Variants in CHST11 observed in about 807,000 individuals in gnomAD.
CHST11 encodes the protein C4S-1.
CHST11 carries 9 observed loss-of-function variants against 30.4 expected under a neutral mutation model. The ratio of observed to expected loss-of-function variants is 0.30; its 90% CI spans 0.18 to 0.52. The LOEUF is 0.52. CHST11 is among the 20% of genes least tolerant of loss of function. CHST11 has a pLI of 0.97. For missense variants in CHST11, 348 were observed against 460.6 expected, an observed-to-expected ratio of 0.76 and a Z score of 2.24; for synonymous variants, 152 against 187.8, an observed-to-expected ratio of 0.81 and a Z score of 1.56.
intron 1 of CHST11, among the ~76,000 whole-genome samples, chr12:104,563,405 C>T (rs1023772786): frequency 2.6e-5 from 4 of 152,172 alleles, no homozygotes; most frequent in African/African-American, 7.2e-5. Flanking sequence ...TCAAAGCAGT[C>T]GTTGTGATCA....
chr12:104,680,727 A>T (rs1019545307), intron 2 of CHST11, among the ~76,000 whole-genome samples: 4 of 152,168 alleles, frequency 2.6e-5, no homozygotes, highest in African/African-American at 4.8e-5. Flanking sequence ...CACGTTTGAA[A>T]TCATCAGGTC....
intron 2 of CHST11, among the ~76,000 whole-genome samples, chr12:104,709,324 C>T (rs144705878): frequency 4.2e-4 from 64 of 152,316 alleles, no homozygotes; most frequent in Non-Finnish European, 7.8e-4. Flanking sequence ...GTAGCAAGTA[C>T]ATGAGGCTCT....
chr12:104,585,836 C>G (rs1467172739), intron 1 of CHST11, among the ~76,000 whole-genome samples: 2 of 152,144 alleles, frequency 1.3e-5, no homozygotes, highest in African/African-American at 4.8e-5. Context: ...CTCTTCCTGG[C>G]TTCTGGTGGC....
At chr12:104,582,239 C>A (rs1302127831) in intron 1 of CHST11, among the ~76,000 whole-genome samples, 1 of 152,074 alleles carries the variant, frequency 6.6e-6, no homozygotes, top group African/African-American at 2.4e-5. Context: ...AACTGAGATG[C>A]AGGGGGTTAA....
chr12:104,706,023 T>C (rs1306475217), intron 2 of CHST11, among the ~76,000 whole-genome samples: 4 of 151,770 alleles, frequency 2.6e-5, no homozygotes, highest in Non-Finnish European at 5.9e-5. Context: ...AAGTTTGAGG[T>C]TGCAGTGAGC....
At chr12:104,492,008 T>G (rs2037752113) in intron 1 of CHST11, among the ~76,000 whole-genome samples, 4 of 152,214 alleles carry the variant, frequency 2.6e-5, no homozygotes, top group African/African-American at 9.6e-5. Context: ...CTGTGTGATT[T>G]CCATCAGTCA....
At chr12:104,727,751 A>G (rs2040226876) in intron 2 of CHST11, among the ~76,000 whole-genome samples, 1 of 152,256 alleles carries the variant, frequency 6.6e-6, no homozygotes, top group African/African-American at 2.4e-5. Context: ...GCAGTGTTCT[A>G]GGTGCTGGAG....
intron 2 of CHST11, among the ~76,000 whole-genome samples, chr12:104,666,498 C>T (rs1406610018): frequency 6.6e-6 from 1 of 152,126 alleles, no homozygotes; most frequent in Non-Finnish European, 1.5e-5. Context: ...TTCCGTTGTT[C>T]TTGGGACTCT....
At chr12:104,527,424 T>G (rs941762404) in intron 1 of CHST11, among the ~76,000 whole-genome samples, 9 of 152,302 alleles carry the variant, frequency 5.9e-5, no homozygotes, top group African/African-American at 2.2e-4. Flanking sequence ...TTTCTGACCT[T>G]GGGCAGAGCT....
At chr12:104,490,882 G>C (rs1173161082) in intron 1 of CHST11, among the ~76,000 whole-genome samples, 5 of 152,080 alleles carry the variant, frequency 3.3e-5, no homozygotes, top group African/African-American at 7.2e-5. Flanking sequence ...ATAAAATATT[G>C]ACCATCCTTC....
At chr12:104,483,529 T>G (rs1426576505) in intron 1 of CHST11, among the ~76,000 whole-genome samples, 1 of 152,200 alleles carries the variant, frequency 6.6e-6, no homozygotes, top group African/African-American at 2.4e-5. Context: ...TGACTTTTTT[T>G]CATTGCACTC....
chr12:104,608,359 C>T lies in CHST11; in HGVS notation c.204+6368C>T, dbSNP rs7972130. Among the ~76,000 whole-genome samples the T allele has an allele frequency of 1.8e-3, 267 of 152,058 alleles. 1 individual carries two copies. The highest frequency in any genetic ancestry group is 3.4e-3 in the Middle Eastern group (1 of 294). On this transcript the variant is annotated intron_variant, in intron 2 of 2. Coordinates refer to ENST00000303694, the MANE Select transcript of CHST11 (RefSeq NM_018413.6). ...CATAGTCCTCCTGTGCAAATAACTC[C>T]CCATCTTCCTGCACCCACCTATCAC... is the stretch of plus-strand genomic sequence containing the variant.
intron 2 of CHST11, among the ~76,000 whole-genome samples, chr12:104,604,615 T>TCA (rs1445484103): frequency 6.6e-6 from 1 of 152,156 alleles, no homozygotes; most frequent in East Asian, 1.9e-4. Flanking sequence ...TGCACCTGAT[T>TCA]GGGCTCAGTT....
chr12:104,635,499 A>G (rs932132387), intron 2 of CHST11, among the ~76,000 whole-genome samples: 3 of 152,232 alleles, frequency 2.0e-5, no homozygotes, highest in Non-Finnish European at 2.9e-5. Flanking sequence ...TTCAGGAGCC[A>G]AACAGCCGCA....
chr12:104,520,880 C>G (rs1388377569), intron 1 of CHST11, among the ~76,000 whole-genome samples: 8 of 152,174 alleles, frequency 5.3e-5, no homozygotes, highest in African/African-American at 1.9e-4. Flanking sequence ...GCTTGTGGTC[C>G]ATTTGTTTTA....
chr12:104,571,405 C>T lies in CHST11; in HGVS notation c.119-30501C>T, dbSNP rs148718089. Among the ~76,000 whole-genome samples, 718 of 152,188 alleles carry T rather than the reference C, an allele frequency of 4.7e-3. 9 individuals carry two copies. Among genetic ancestry groups the T allele is most frequent in the African/African-American group, 0.016 (646 of 41,518 alleles). On this transcript the variant is annotated intron_variant, in intron 1 of 2. Transcript: ENST00000303694. ...CTTGATCTCCTGACCTCAGGTGATCCGCCCGCTTCGGCCTCCCAAAGTGCT... is the reference window on the plus strand; with the variant it reads ...CTTGATCTCCTGACCTCAGGTGATCTGCCCGCTTCGGCCTCCCAAAGTGCT...
At chr12:104,487,489 T>A (rs141546706) in intron 1 of CHST11, among the ~76,000 whole-genome samples, 1 of 152,384 alleles carries the variant, frequency 6.6e-6, no homozygotes, top group African/African-American at 2.4e-5. Context: ...CTTGAATGCC[T>A]GAGCTCAAGC....
chr12:104,760,370 T>C lies in CHST11; in HGVS notation c.*2567T>C, dbSNP rs2453156. On this transcript the variant is annotated 3_prime_UTR_variant, in exon 3 of 3. Transcript: ENST00000303694. ...TGGATACTGCCACGGACTACAATTCTATCCCTCCCAGAGGGAGTGGAGGAA... is the reference window on the plus strand; with the variant it reads ...TGGATACTGCCACGGACTACAATTCCATCCCTCCCAGAGGGAGTGGAGGAA... 0.72 allele frequency: 109,501 copies of C among 151,976 alleles called. 39,980 individuals carry two copies. The highest frequency in any genetic ancestry group is 0.84 in the African/African-American group (34,657 of 41,446). The allele number at this position is 151,976 out of a possible 1,614,324, so 9.4% of individuals were successfully genotyped here.
chr12:104,626,693 C>G (rs1592802155), intron 2 of CHST11, among the ~76,000 whole-genome samples: 1 of 150,890 alleles, frequency 6.6e-6, no homozygotes, highest in Non-Finnish European at 1.5e-5. Context: ...TTTTAATAGA[C>G]TTGATTTTTT....
Sources: allele counts gnomAD v4.1 joint callset (sites outside exome capture counted in the v4.1 genomes callset), GRCh38; gene constraint gnomAD v4.1.1; transcripts MANE v1.5; gene names NCBI Gene and HGNC (gene_info 2026-07-23, HGNC 2026-07-21).